Variants in FGF14 observed in about 807,000 individuals in gnomAD.
FGF14 encodes the protein fibroblast growth factor 14.
FGF14 carries 5 observed loss-of-function variants against 25.5 expected under a neutral mutation model. The observed-to-expected ratio is 0.20, with a 90% CI of 0.10 to 0.41. The LOEUF (loss-of-function observed/expected upper bound fraction) is 0.41, where lower values mean the gene tolerates loss of function less well. FGF14 is among the 10% of genes least tolerant of loss of function. The pLI is 1.00. For synonymous variants in FGF14, 138 were observed against 118.3 expected, an observed-to-expected ratio of 1.17 and a Z score of -1.08; for missense variants, 222 against 320.1, an observed-to-expected ratio of 0.69 and a Z score of 2.34.
At chr13:102,079,945 C>G (rs367550886) in intron 1 of FGF14, among the ~76,000 whole-genome samples, 1 of 152,096 alleles carries the variant, frequency 6.6e-6, no homozygotes, top group African/African-American at 2.4e-5. Context: ...TGGTGCCTTG[C>G]CTGGCATGTA....
chr13:102,310,804 G>T (rs1381565872), intron 1 of FGF14, among the ~76,000 whole-genome samples: 1 of 151,414 alleles, frequency 6.6e-6, no homozygotes, highest in South Asian at 2.1e-4. Context: ...CCTCCAGCAG[G>T]TCTGAAGTCC....
chr13:102,062,375 A>G (rs2042727614), intron 1 of FGF14, among the ~76,000 whole-genome samples: 1 of 152,118 alleles, frequency 6.6e-6, no homozygotes. Context: ...AAAAAATAAA[A>G]TAAGCCTAAC....
At chr13:101,995,316 A>C (rs2039123207) in intron 1 of FGF14, among the ~76,000 whole-genome samples, 1 of 152,126 alleles carries the variant, frequency 6.6e-6, no homozygotes, top group Admixed American at 6.6e-5. Context: ...ATGGCCCTAA[A>C]CCCAAAAGGT....
At chr13:102,296,050 C>T (rs187439862) in intron 1 of FGF14, among the ~76,000 whole-genome samples, 56 of 152,258 alleles carry the variant, frequency 3.7e-4, no homozygotes, top group African/African-American at 1.0e-3. Flanking sequence ...GTCAGGACCA[C>T]TGTTTCTGTT....
chr13:102,365,256 C>T (rs2057677293), intron 1 of FGF14, among the ~76,000 whole-genome samples: 1 of 151,936 alleles, frequency 6.6e-6, no homozygotes, highest in Non-Finnish European at 1.5e-5. Context: ...ACAGCCTAGG[C>T]ATGACAGGAT....
chr13:101,912,915 G>A (rs1188564837), intron 1 of FGF14, among the ~76,000 whole-genome samples: 1 of 152,008 alleles, frequency 6.6e-6, no homozygotes, highest in African/African-American at 2.4e-5. Context: ...ACACTCTCAA[G>A]ATTTGAGAGC....
At chr13:102,126,975 T>C (rs2045974776) in intron 1 of FGF14, among the ~76,000 whole-genome samples, 1 of 152,252 alleles carries the variant, frequency 6.6e-6, no homozygotes, top group African/African-American at 2.4e-5. Flanking sequence ...GCTAGAACAA[T>C]TTGCTTTGAG....
rs530413171 is a variant in FGF14 at position 101,851,386 on chromosome 13, C to T, written c.408+17339G>A. Among the ~76,000 whole-genome samples, 3 of 152,160 alleles carry T rather than the reference C, an allele frequency of 2.0e-5. No homozygotes were observed. In the South Asian group the frequency reaches 6.2e-4, roughly 32 times the overall value. On this transcript the variant is annotated intron_variant, in intron 3 of 4. Transcript: ENST00000376143. ...CCTCAGAAGGAACCAAGAGTGCTGA[C>T]ACCTCGATCTCGGGCTTCTGACCTT...
At chr13:102,088,265 G>T (rs2044015540) in intron 1 of FGF14, among the ~76,000 whole-genome samples, 1 of 152,176 alleles carries the variant, frequency 6.6e-6, no homozygotes, top group African/African-American at 2.4e-5. Flanking sequence ...CTTTAGAAAT[G>T]CTGTAGTTTA....
At chr13:102,198,022 C>T (rs1439741011) in intron 1 of FGF14, among the ~76,000 whole-genome samples, 1 of 152,200 alleles carries the variant, frequency 6.6e-6, no homozygotes, top group Non-Finnish European at 1.5e-5. Context: ...CCATGGTCCT[C>T]TTCTAACTGG....
chr13:101,723,100 G>T (rs1421070849), intron 4 of FGF14, 133 bp from the exon 5 acceptor site: 3 of 1,027,170 alleles, frequency 2.9e-6, no homozygotes, highest in African/African-American at 1.6e-5. Context: ...ATTCCATTGA[G>T]ACAGAATTCC....
intron 1 of FGF14, among the ~76,000 whole-genome samples, chr13:102,005,935 C>A (rs761818616): frequency 2.0e-5 from 3 of 152,128 alleles, no homozygotes; most frequent in Admixed American, 1.3e-4. Context: ...CCCAAGCTTG[C>A]AATTATGTAG....
intron 1 of FGF14, among the ~76,000 whole-genome samples, chr13:102,237,689 C>T (rs2051396554): frequency 6.6e-6 from 1 of 151,850 alleles, no homozygotes; most frequent in African/African-American, 2.4e-5. Flanking sequence ...AAATACATTT[C>T]TAAAAAACTG....
chr13:102,181,279 T>C (rs1371733596), intron 1 of FGF14, among the ~76,000 whole-genome samples: 1 of 152,072 alleles, frequency 6.6e-6, no homozygotes, highest in African/African-American at 2.4e-5. Context: ...CCAGAGCCCA[T>C]GATTATGTTA....
rs1248619839 is a variant in FGF14 at position 101,943,826 on chromosome 13, A to ATATATAT, written c.209-68531_209-68530insATATATA. Among the ~76,000 whole-genome samples the ATATATAT allele has an allele frequency of 3.2e-3, 411 of 126,774 alleles. 5 individuals carry two copies. Among genetic ancestry groups the ATATATAT allele is most frequent in the African/African-American group, 0.013 (384 of 29,214 alleles). The allele number at this position is 126,774 out of a possible 152,430, so 83.2% of individuals were successfully genotyped here. Reference sequence around the variant, plus strand: ...CTGTCTCTACTTAAAAAAAAAAAAAAATATATATATATATATATTCACAAA... The same window carrying ATATATAT: ...CTGTCTCTACTTAAAAAAAAAAAAAATATATATATATATATATATATATATTCACAAA... On this transcript the variant is annotated intron_variant, in intron 1 of 4. Transcript: ENST00000376131.
At chr13:101,875,435 G>C in intron 1 of FGF14, 139 bp from the exon 2 acceptor site, 1 of 687,894 alleles carries the variant, frequency 1.5e-6, no homozygotes, top group South Asian at 1.6e-5. Context: ...AGATTCTTCT[G>C]TGTTTTATCA....
intron 1 of FGF14, among the ~76,000 whole-genome samples, chr13:101,888,663 C>T (rs2046115805): frequency 6.6e-6 from 1 of 152,170 alleles, no homozygotes; most frequent in African/African-American, 2.4e-5. Flanking sequence ...TCCCTGTCAA[C>T]ATTTTTCTGA....
chr13:101,729,755 A>AG (rs2035684310), intron 3 of FGF14, among the ~76,000 whole-genome samples: 1 of 60,180 alleles, frequency 1.7e-5, no homozygotes, highest in Non-Finnish European at 3.2e-5. Flanking sequence ...TGAAAATCTC[A>AG]CCAAAAGTCA....
chr13:102,097,664 G>T (rs550822136), intron 1 of FGF14, among the ~76,000 whole-genome samples: 2 of 152,264 alleles, frequency 1.3e-5, no homozygotes, highest in East Asian at 1.9e-4. Context: ...CCTCTGGTGG[G>T]TATAAGATGA....
Sources: allele counts gnomAD v4.1 joint callset (sites outside exome capture counted in the v4.1 genomes callset), GRCh38; gene constraint gnomAD v4.1.1; transcripts MANE v1.5; gene names NCBI Gene and HGNC (gene_info 2026-07-23, HGNC 2026-07-21).